The following ROS1 variants were observed in gnomAD, a reference collection of about 807,000 sequenced individuals.
ROS1 encodes ROS proto-oncogene 1, receptor tyrosine kinase, also known as proto-oncogene tyrosine-protein kinase ROS.
ROS1 carries 263 observed loss-of-function variants against 273.5 expected under a neutral mutation model. The ratio of observed to expected loss-of-function variants is 0.96; its 90% confidence interval spans 0.87 to 1.06. ROS1 has a LOEUF of 1.06. Ranked by LOEUF, ROS1 falls within the 50% of genes least tolerant of loss-of-function variation. ROS1 has a pLI of 0.00. For synonymous variants in ROS1, 1,008 were observed against 954.1 expected (o/e 1.06, Z -1.04); for missense variants, 2,833 against 2,751.1 (o/e 1.03, Z -0.67).
intron 33 of ROS1, chr6:117,328,888 T>A (rs2128591372): frequency 1.6e-6 from 1 of 612,548 alleles, no homozygotes; most frequent in Non-Finnish European, 3.2e-6. Context: ...TCAGACCATT[T>A]CAGAACCTGA....
chr6:117,297,258 G>A (rs1774316046), intron 43 of ROS1, among the ~76,000 whole-genome samples: 1 of 152,078 alleles, frequency 6.6e-6, no homozygotes, highest in South Asian at 2.1e-4. Flanking sequence ...ATGAAACTGT[G>A]AAAATACTAG....
Position 117,299,924 on chromosome 6 carries a change from C to CT in ROS1, c.6715+1049dup, listed in dbSNP as rs11297663. Among the ~76,000 whole-genome samples, 159 of 118,666 alleles carry CT rather than the reference C, an allele frequency of 1.3e-3. 3 individuals are homozygous for CT. The highest frequency in any genetic ancestry group is 8.7e-3 in the Admixed American group (104 of 11,970). The allele number at this position is 118,666 out of a possible 152,430, so 77.8% of individuals were successfully genotyped here. On this transcript the variant is annotated intron_variant, in intron 43 of 43. Transcript: ENST00000368507. ...TAGAATGGTTCCAGAATATTATTATCTTTTTTTTTTTTTTTTGAGATGGAG... is the reference window on the plus strand; with the variant it reads ...TAGAATGGTTCCAGAATATTATTATCTTTTTTTTTTTTTTTTTGAGATGGAG...
At position 117,339,652 on chromosome 6, in the gene ROS1, A is replaced by G. The variant is rs532253247; in HGVS notation, c.5061+1483T>C. Among the ~76,000 whole-genome samples the G allele has an allele frequency of 2.6e-5, 4 of 152,290 alleles. No homozygotes were observed. The South Asian group carries it at 8.3e-4, about 32-fold the overall frequency. ...AGTATTTGTAGATGGCCACTCATGT[A>G]CAAATGACTCTATCTTGTATTTGCA... On this transcript the variant is annotated intron_variant, in intron 31 of 43. Transcript: ENST00000368507.
intron 4 of ROS1, among the ~76,000 whole-genome samples, chr6:117,413,734 C>G (rs556076116): frequency 6.6e-6 from 1 of 152,190 alleles, no homozygotes; most frequent in African/African-American, 2.4e-5. Flanking sequence ...GTAATCCCAG[C>G]ACTTCGGGAG....
chr6:117,387,036 G>A (rs751689416), intron 14 of ROS1, 37 bp from the exon 15 acceptor site: 299 of 1,167,960 alleles, frequency 2.6e-4, no homozygotes, highest in Non-Finnish European at 3.3e-4. Context: ...AAACATCAGG[G>A]AAAGCAAACT....
intron 32 of ROS1, among the ~76,000 whole-genome samples, chr6:117,332,340 C>A (rs1777141198): frequency 6.6e-6 from 1 of 152,064 alleles, no homozygotes; most frequent in South Asian, 2.1e-4. Context: ...CCCAGACTCA[C>A]AAAGTAAGTT....
At chr6:117,356,524 A>G (rs1779317358) in intron 26 of ROS1, 105 bp downstream of exon 26, 2 of 1,046,976 alleles carry the variant, frequency 1.9e-6, no homozygotes, top group Admixed American at 5.0e-5. Flanking sequence ...CAGAGCAAAT[A>G]TCATGTGTAT....
At chr6:117,369,803 G>A (rs1278087539) in intron 18 of ROS1, among the ~76,000 whole-genome samples, 1 of 152,154 alleles carries the variant, frequency 6.6e-6, no homozygotes, top group South Asian at 2.1e-4. Context: ...TTGATATGAA[G>A]TAATTGATCA....
At chr6:117,356,312 T>C (rs1779299080) in intron 26 of ROS1, among the ~76,000 whole-genome samples, 1 of 152,218 alleles carries the variant, frequency 6.6e-6, no homozygotes, top group African/African-American at 2.4e-5. Context: ...TATTAGTACC[T>C]ACTGCACTGA....
At chr6:117,345,062 G>T (rs1443375329) in intron 27 of ROS1, among the ~76,000 whole-genome samples, 1 of 152,198 alleles carries the variant, frequency 6.6e-6, no homozygotes, top group Non-Finnish European at 1.5e-5. Flanking sequence ...ATTTTAATAT[G>T]AAATCTAACA....
chr6:117,289,533 CT>C (rs1437419726), intron 43 of ROS1, among the ~76,000 whole-genome samples: 1 of 152,140 alleles, frequency 6.6e-6, no homozygotes, highest in Non-Finnish European at 1.5e-5. Context: ...AACACCTGAA[CT>C]ACAAAGCTTA....
chr6:117,390,446 T>A (rs986999042), intron 12 of ROS1, among the ~76,000 whole-genome samples: 2 of 152,152 alleles, frequency 1.3e-5, no homozygotes, highest in African/African-American at 4.8e-5. Context: ...CTTTCAAAAT[T>A]TTAAAGGAAA....
In ROS1 at chr6:117,319,862, C is replaced by T. The variant is rs754434264; in HGVS notation, c.5922+6G>A. Reference sequence around the variant, plus strand: ...ATGTGTCAAGGAGTTCGAAGATTCACATTACCTTCACTGCTACTTTGATTT... The same window carrying T: ...ATGTGTCAAGGAGTTCGAAGATTCATATTACCTTCACTGCTACTTTGATTT... On this transcript the variant is annotated splice_donor_region_variant and intron_variant, in intron 37 of 43. Coordinates refer to ENST00000368507, the MANE Select transcript of ROS1 (RefSeq NM_001378902.1). 5.6e-6 allele frequency: 9 copies of T among 1,611,822 alleles called. 1 individual carries two copies. In the South Asian group the frequency reaches 9.9e-5, roughly 18 times the overall value.
In ROS1 at chr6:117,381,183, G is replaced by GTT. The variant is rs752612391; in HGVS notation, c.2482-2026_2482-2025dup. ...CCTGGGAGAGGATTTGCAGAGGACT[G>GTT]TTTTTTTTTTTTTTTGGTTAATTTC... On this transcript the variant is annotated intron_variant, in intron 17 of 43. Coordinates refer to ENST00000368507, the MANE Select transcript of ROS1 (RefSeq NM_001378902.1). Among the ~76,000 whole-genome samples, 1,075 of 118,480 alleles carry GTT rather than the reference G, an allele frequency of 9.1e-3. 18 individuals carry two copies. The highest frequency in any genetic ancestry group is 0.047 in the East Asian group (187 of 3,996). The allele number at this position is 118,480 out of a possible 152,430, so 77.7% of individuals were successfully genotyped here. A position where few individuals can be genotyped will look rare whatever the true frequency, so the allele number is the denominator to read the frequency against.
intron 39 of ROS1, among the ~76,000 whole-genome samples, chr6:117,314,455 A>G (rs995978523): frequency 6.6e-6 from 1 of 152,184 alleles, no homozygotes; most frequent in Non-Finnish European, 1.5e-5. Flanking sequence ...GAATACAGGG[A>G]CAAGAAGAAG....
chr6:117,302,436 A>G (rs543396047), intron 42 of ROS1, among the ~76,000 whole-genome samples: 20 of 152,262 alleles, frequency 1.3e-4, no homozygotes, highest in African/African-American at 4.8e-4. Context: ...TCAGTGGCTA[A>G]TCCAGAATTC....
chr6:117,401,153 C>G (rs1773900135), intron 7 of ROS1, among the ~76,000 whole-genome samples: 1 of 152,122 alleles, frequency 6.6e-6, no homozygotes, highest in African/African-American at 2.4e-5. Flanking sequence ...ATATGACAAA[C>G]CTTTCCCTGT....
chr6:117,406,330 A>G (rs770121347), intron 5 of ROS1, among the ~76,000 whole-genome samples: 4 of 152,178 alleles, frequency 2.6e-5, no homozygotes, highest in Non-Finnish European at 5.9e-5. Context: ...AAGTGAACAT[A>G]GCATACTCAC....
chr6:117,389,620 C>T lies in ROS1; in HGVS notation c.1516G>A (p.Ala506Thr). The T allele has an allele frequency of 6.2e-7, 1 of 1,614,170 alleles. No homozygotes were observed. The highest frequency in any genetic ancestry group is 8.5e-7 in the Non-Finnish European group (1 of 1,180,032). ...TCACAAGCAAAACTTTTCACATCAG[C>T]AAAGGGGATGCGAGGTAGGATGAGA... ...SHLILPRIPFADVKSFACENN... is the reference protein window; with the variant it reads ...SHLILPRIPFTDVKSFACENN... Residue 506 changes from alanine to threonine, a missense_variant, in exon 13 of 44, where the codon GCT (alanine) becomes ACT (threonine). Transcript: ENST00000368507.
Sources: gnomAD v4.1 joint callset for allele counts (sites outside exome capture counted in the v4.1 genomes callset) on GRCh38, gnomAD v4.1.1 for gene constraint, MANE v1.5 for transcripts, NCBI Gene and HGNC (gene_info 2026-07-23, HGNC 2026-07-21) for gene names.